The following CNTLN variants were observed in gnomAD, a reference collection of about 807,000 sequenced individuals.
CNTLN encodes centlein.
In CNTLN, 212 loss-of-function variants were observed where a neutral mutation model predicts 180.0. That is an observed-to-expected ratio of 1.18 (90% CI 1.05 to 1.32). CNTLN has a LOEUF of 1.32. Ranked by LOEUF, CNTLN falls within the 40% of genes most tolerant of loss-of-function variation. The pLI, the probability that CNTLN is intolerant of heterozygous loss-of-function variation, is 0.00. For synonymous variants in CNTLN, 722 were observed against 563.1 expected (o/e 1.28, Z -3.99); for missense variants, 2,095 against 1,610.9 (o/e 1.30, Z -5.14).
rs146527750 is a variant in CNTLN at position 17,141,970 on chromosome 9, T to G, written c.361-1318T>G. 5.2e-3 allele frequency among the ~76,000 whole-genome samples: 782 copies of G among 150,936 alleles called. 4 individuals are homozygous for G. Among genetic ancestry groups the G allele is most frequent in the African/African-American group, 0.018 (727 of 41,098 alleles). On this transcript the variant is annotated intron_variant, in intron 1 of 25. Transcript: ENST00000380647. The stretch of plus-strand genomic sequence containing the variant: ...GGTGGTGCGTGCCTGTAGTTCCAGC[T>G]ACTCAGGAGGCTGAGGCAGAAGAAT...
At chr9:17,182,041 T>C (rs1270323593) in intron 2 of CNTLN, among the ~76,000 whole-genome samples, 2 of 152,154 alleles carry the variant, frequency 1.3e-5, no homozygotes, top group African/African-American at 4.8e-5. Context: ...TCTCCACTTG[T>C]CCTTCTCTGA....
At chr9:17,432,708 C>T (rs1056120277) in intron 18 of CNTLN, among the ~76,000 whole-genome samples, 2 of 152,026 alleles carry the variant, frequency 1.3e-5, no homozygotes, top group Non-Finnish European at 2.9e-5. Flanking sequence ...ATTCTATTCT[C>T]TGTTAAAATA....
At chr9:17,371,154 T>C (rs1305628002) in intron 13 of CNTLN, among the ~76,000 whole-genome samples, 4 of 152,164 alleles carry the variant, frequency 2.6e-5, no homozygotes, top group Non-Finnish European at 5.9e-5. Context: ...GTGAATGGAC[T>C]AAACTCTGTA....
At chr9:17,243,986 C>T (rs1011513118) in intron 5 of CNTLN, among the ~76,000 whole-genome samples, 1 of 151,780 alleles carries the variant, frequency 6.6e-6, no homozygotes, top group Admixed American at 6.6e-5. Context: ...TCTTGGTGCT[C>T]CAGTGTTGGG....
rs376344735 is a variant in CNTLN, at chr9:17,368,254, C to G, written c.1987+1537C>G. 9.5e-4 allele frequency among the ~76,000 whole-genome samples: 145 copies of G among 152,192 alleles called. 1 individual carries two copies. The highest frequency in any genetic ancestry group is 6.8e-3 in the Middle Eastern group (2 of 294). ...GTGGTGGTGACCACAGGCAGAGACT[C>G]CTTTGCCTGTGGAAAGGGAAGGGAA... On this transcript the variant is annotated intron_variant, in intron 13 of 25. Transcript: ENST00000380647.
chr9:17,513,952 C>G, the CNTLN span, among the ~76,000 whole-genome samples: 1 of 152,018 alleles, frequency 6.6e-6, no homozygotes, highest in Non-Finnish European at 1.5e-5. Context: ...AGGTACAGGT[C>G]AATTTTAAGG....
downstream of CNTLN, among the ~76,000 whole-genome samples, chr9:17,504,830 C>T (rs962623057): frequency 1.3e-5 from 2 of 152,140 alleles, no homozygotes; most frequent in African/African-American, 2.4e-5. Context: ...AAGCTCAGTC[C>T]TGTCAGCACC....
At chr9:17,163,744 C>G (rs1819847409) in intron 2 of CNTLN, among the ~76,000 whole-genome samples, 1 of 152,118 alleles carries the variant, frequency 6.6e-6, no homozygotes, top group South Asian at 2.1e-4. Flanking sequence ...AAACATTGAT[C>G]TGGCTGGGCA....
At chr9:17,214,999 C>G (rs537255043) in intron 2 of CNTLN, among the ~76,000 whole-genome samples, 2 of 152,180 alleles carry the variant, frequency 1.3e-5, no homozygotes, top group Non-Finnish European at 2.9e-5. Context: ...TGGGTTCGAA[C>G]TTCCTCCTTT....
chr9:17,211,606 C>A (rs1823317896), intron 2 of CNTLN, among the ~76,000 whole-genome samples: 2 of 152,086 alleles, frequency 1.3e-5, no homozygotes, highest in Admixed American at 1.3e-4. Context: ...TCATTGGTAG[C>A]TTGATGGGGA....
At chr9:17,396,449 C>A in intron 15 of CNTLN, among the ~76,000 whole-genome samples, 1 of 152,066 alleles carries the variant, frequency 6.6e-6, no homozygotes, top group East Asian at 1.9e-4. Flanking sequence ...TAACAAATTG[C>A]CCAATTTGCC....
chr9:17,351,782 T>G (rs184312820), intron 12 of CNTLN, among the ~76,000 whole-genome samples: 1 of 152,228 alleles, frequency 6.6e-6, no homozygotes, highest in Non-Finnish European at 1.5e-5. Context: ...TAAACTATAG[T>G]TCTGAGAATG....
intron 8 of CNTLN, among the ~76,000 whole-genome samples, chr9:17,321,643 C>T (rs1416876718): frequency 6.6e-5 from 10 of 152,126 alleles, no homozygotes; most frequent in Non-Finnish European, 1.5e-4. Flanking sequence ...TTGATAGTGA[C>T]TATTTGGCAT....
chr9:17,265,790 T>C (rs60691286), intron 5 of CNTLN, among the ~76,000 whole-genome samples: 35,053 of 152,120 alleles, frequency 0.23, 4,740 homozygotes, highest in South Asian at 0.36. Flanking sequence ...TCGAGGAATT[T>C]ATCCATTTCT....
Position 17,298,148 on chromosome 9 carries a change from C to A in CNTLN, c.984-42C>A. 3.6e-6 allele frequency: 5 copies of A among 1,376,660 alleles called. No individual in the cohort carries two copies. In the South Asian group the frequency reaches 6.6e-5, roughly 18 times the overall value. The allele number at this position is 1,376,660 out of a possible 1,614,324, so 85.3% of individuals were successfully genotyped here. On this transcript the variant is annotated intron_variant, in intron 6 of 25. Coordinates refer to ENST00000380647, the MANE Select transcript of CNTLN (RefSeq NM_017738.4). Reference sequence around the variant, plus strand: ...AACACAATTATTTAACTGAGATGATCTTTATCCATACTTTTCTCTATTTAT... The same window carrying A: ...AACACAATTATTTAACTGAGATGATATTTATCCATACTTTTCTCTATTTAT...
intron 1 of CNTLN, among the ~76,000 whole-genome samples, chr9:17,140,261 CA>C (rs1416383890): frequency 6.6e-6 from 1 of 152,150 alleles, no homozygotes; most frequent in African/African-American, 2.4e-5. Flanking sequence ...CATAGTTCCA[CA>C]ATCCATTTGT....
intron 18 of CNTLN, among the ~76,000 whole-genome samples, chr9:17,434,319 A>G (rs1257633936): frequency 2.0e-5 from 3 of 151,616 alleles, no homozygotes; most frequent in Non-Finnish European, 2.9e-5. Flanking sequence ...ACTGCTTGCT[A>G]TAAGATCTTA....
chr9:17,342,198 C>A, intron 11 of CNTLN, 127 bp from the exon 12 acceptor site: 1 of 916,194 alleles, frequency 1.1e-6, no homozygotes, highest in African/African-American at 1.7e-5. Flanking sequence ...GAAATTCATT[C>A]AATAAATGGT....
At chr9:17,163,252 C>G (rs999168017) in intron 2 of CNTLN, among the ~76,000 whole-genome samples, 7 of 152,134 alleles carry the variant, frequency 4.6e-5, no homozygotes, top group African/African-American at 1.7e-4. Context: ...ATTATGGGAG[C>G]TGCAATTCAA....
Sources: gnomAD v4.1 joint callset for allele counts (sites outside exome capture counted in the v4.1 genomes callset) on GRCh38, gnomAD v4.1.1 for gene constraint, MANE v1.5 for transcripts, NCBI Gene and HGNC (gene_info 2026-07-23, HGNC 2026-07-21) for gene names.